The following TRDN variants were observed in gnomAD, a reference collection of about 807,000 sequenced individuals.
TRDN encodes the protein triadin in skeletal muscle.
A neutral mutation model predicts 149.7 loss-of-function variants in TRDN; 161 were observed. The ratio of observed to expected loss-of-function variants is 1.08; its 90% confidence interval spans 0.95 to 1.23. The LOEUF (loss-of-function observed/expected upper bound fraction) is 1.23. Ranked by LOEUF, TRDN falls within the 50% of genes most tolerant of loss-of-function variation. The pLI is 0.00. For synonymous variants in TRDN, 294 were observed against 250.5 expected, an observed-to-expected ratio of 1.17 and a Z score of -1.64; for missense variants, 896 against 823.5, an observed-to-expected ratio of 1.09 and a Z score of -1.08.
At chr6:123,591,355 C>T (rs1783772077) in intron 1 of TRDN, among the ~76,000 whole-genome samples, 1 of 152,142 alleles carries the variant, frequency 6.6e-6, no homozygotes, top group Admixed American at 6.5e-5. Flanking sequence ...AAGCAATTCT[C>T]CTGCCTCAGC....
chr6:123,509,624 CT>C (rs1779078858), intron 7 of TRDN: 1 of 152,090 alleles, frequency 6.6e-6, no homozygotes, highest in African/African-American at 2.4e-5. Flanking sequence ...AAAGATGAGA[CT>C]GAAGTCCTAG....
At chr6:123,537,254 T>G (rs1183189829) in intron 4 of TRDN, among the ~76,000 whole-genome samples, 1 of 152,196 alleles carries the variant, frequency 6.6e-6, no homozygotes, top group Non-Finnish European at 1.5e-5. Flanking sequence ...CATTCCTTAT[T>G]AATGATTAGG....
chr6:123,532,640 G>A (rs1353828744), intron 4 of TRDN, among the ~76,000 whole-genome samples: 1 of 151,786 alleles, frequency 6.6e-6, no homozygotes, highest in South Asian at 2.1e-4. Context: ...CCAATTCCTT[G>A]TAATAATTTT....
intron 24 of TRDN, among the ~76,000 whole-genome samples, chr6:123,292,334 T>C (rs1252717419): frequency 4.6e-5 from 7 of 152,134 alleles, no homozygotes; most frequent in Admixed American, 4.6e-4. Context: ...GGGTGGACAC[T>C]TATTGGCCCT....
intron 34 of TRDN, 30 bp from the exon 35 acceptor site, chr6:123,259,692 T>C: frequency 7.0e-7 from 1 of 1,434,308 alleles, no homozygotes. Flanking sequence ...CAAGAAACCA[T>C]CATTTTAAAA....
chr6:123,331,051 A>C (rs777912133), intron 23 of TRDN, among the ~76,000 whole-genome samples: 5 of 152,102 alleles, frequency 3.3e-5, no homozygotes, highest in Admixed American at 6.6e-5. Flanking sequence ...TGGTTTTTAT[A>C]ATTTCAGTGA....
intron 27 of TRDN, among the ~76,000 whole-genome samples, chr6:123,273,928 CT>C (rs543204233): frequency 6.6e-6 from 1 of 151,786 alleles, no homozygotes; most frequent in Non-Finnish European, 1.5e-5. Context: ...AAAGGTCATA[CT>C]TTTTTTTAGG....
chr6:123,490,252 T>C (rs537318128), intron 9 of TRDN, among the ~76,000 whole-genome samples: 28 of 152,304 alleles, frequency 1.8e-4, no homozygotes, highest in Admixed American at 1.8e-3. Context: ...ATCCAGTAGA[T>C]ACCTGAAACA....
chr6:123,400,413 G>C lies in TRDN; in HGVS notation c.1052-6736C>G, dbSNP rs543684709. Among the ~76,000 whole-genome samples, 15 of 152,056 alleles carry C rather than the reference G, an allele frequency of 9.9e-5. No homozygotes were observed. The East Asian group carries it at 2.9e-3, about 30-fold the overall frequency. On this transcript the variant is annotated intron_variant, in intron 12 of 40. Transcript: ENST00000334268. The stretch of plus-strand genomic sequence containing the variant: ...TGGGGGTAATGGGGGATGGTTTTGA[G>C]ATGAAACTGTTTCACCTCAGATCGT...
At chr6:123,541,609 A>G (rs1780839117) in intron 4 of TRDN, among the ~76,000 whole-genome samples, 2 of 152,142 alleles carry the variant, frequency 1.3e-5, no homozygotes, top group Admixed American at 6.5e-5. Flanking sequence ...TAAGCTCCTC[A>G]TGCAGCCTGA....
chr6:123,362,675 C>T (rs2114344974), intron 20 of TRDN, among the ~76,000 whole-genome samples: 1 of 152,270 alleles, frequency 6.6e-6, no homozygotes, highest in Non-Finnish European at 1.5e-5. Flanking sequence ...TTCCGTAGAA[C>T]TTTACCTGTA....
chr6:123,472,794 C>A (rs558909627), intron 9 of TRDN, among the ~76,000 whole-genome samples: 3 of 152,182 alleles, frequency 2.0e-5, no homozygotes, highest in Admixed American at 6.5e-5. Flanking sequence ...CCCTGACCCC[C>A]GAGCAGCCTA....
intron 6 of TRDN, among the ~76,000 whole-genome samples, chr6:123,514,979 C>T (rs1414867747): frequency 1.3e-5 from 2 of 151,770 alleles, no homozygotes; most frequent in Admixed American, 1.3e-4. Context: ...CTAATGCACG[C>T]AAGGCTTAAA....
intron 21 of TRDN, among the ~76,000 whole-genome samples, chr6:123,346,134 C>T (rs1780238120): frequency 6.6e-6 from 1 of 152,036 alleles, no homozygotes; most frequent in Admixed American, 6.6e-5. Context: ...TTTAACTTCG[C>T]ACCATTAAAT....
At chr6:123,407,616 C>G (rs1773249354) in intron 12 of TRDN, among the ~76,000 whole-genome samples, 1 of 152,086 alleles carries the variant, frequency 6.6e-6, no homozygotes, top group African/African-American at 2.4e-5. Context: ...TGGCTCATGG[C>G]ACCCTCTCTG....
chr6:123,233,868 T>C (rs1170953297), intron 38 of TRDN, among the ~76,000 whole-genome samples: 1 of 152,106 alleles, frequency 6.6e-6, no homozygotes, highest in African/African-American at 2.4e-5. Context: ...TTGAAATCTG[T>C]CCCTTGCTAG....
intron 20 of TRDN, among the ~76,000 whole-genome samples, chr6:123,358,101 CT>C (rs1286888677): frequency 6.6e-6 from 1 of 152,108 alleles, no homozygotes; most frequent in Non-Finnish European, 1.5e-5. Context: ...ATCAGTTTCT[CT>C]TTCTATACCA....
intron 21 of TRDN, among the ~76,000 whole-genome samples, chr6:123,343,126 A>T (rs1034001252): frequency 1.3e-5 from 2 of 152,180 alleles, no homozygotes; most frequent in Non-Finnish European, 1.5e-5. Context: ...TCCTGGACAA[A>T]AAAGAAAATT....
chr6:123,558,207 C>A (rs1438610010), intron 2 of TRDN, among the ~76,000 whole-genome samples: 4 of 152,002 alleles, frequency 2.6e-5, no homozygotes, highest in African/African-American at 9.7e-5. Flanking sequence ...TCCCCTCAGT[C>A]CCAACCCCAA....
Sources: gnomAD v4.1 joint callset for allele counts (sites outside exome capture counted in the v4.1 genomes callset) on GRCh38, gnomAD v4.1.1 for gene constraint, MANE v1.5 for transcripts, NCBI Gene and HGNC (gene_info 2026-07-23, HGNC 2026-07-21) for gene names.